Variants in FRMPD4 observed in about 807,000 individuals in gnomAD.
FRMPD4 encodes the protein FERM and PDZ domain containing 4.
In FRMPD4, 22 loss-of-function variants were observed where a neutral mutation model predicts 94.1. The ratio of observed to expected loss-of-function variants is 0.23; its 90% confidence interval spans 0.17 to 0.33. The LOEUF is 0.33. Among genes scored for constraint, FRMPD4 ranks in the 10% least tolerant of loss-of-function variants. The pLI, the probability that FRMPD4 is intolerant of heterozygous loss-of-function variation, is 1.00. For missense variants in FRMPD4, 1,111 were observed against 1,339.9 expected (o/e 0.83, Z 2.67); for synonymous variants, 631 against 548.6 (o/e 1.15, Z -2.10).
intron 1 of FRMPD4, among the ~76,000 whole-genome samples, chrX:12,474,329 A>G (rs2057562399): frequency 9.0e-6 from 1 of 111,490 alleles, no homozygotes; most frequent in African/African-American, 3.3e-5. Flanking sequence ...AGGGAAATTT[A>G]CAGCACTAAA....
chrX:12,634,187 A>C (rs940508359), intron 4 of FRMPD4, among the ~76,000 whole-genome samples: 1 of 112,447 alleles, frequency 8.9e-6, no homozygotes, highest in Non-Finnish European at 1.9e-5. Context: ...TTTTTCCCCC[A>C]TGTAAGAAAT....
At chrX:12,184,292 C>G (rs2056397133) in intron 1 of FRMPD4, among the ~76,000 whole-genome samples, 1 of 111,135 alleles carries the variant, frequency 9.0e-6, no homozygotes, top group Admixed American at 9.6e-5. Context: ...ATTTGGCTGC[C>G]TAGATATTAC....
chrX:12,579,959 T>G (rs2058848693), intron 2 of FRMPD4, among the ~76,000 whole-genome samples: 2 of 112,599 alleles, frequency 1.8e-5, no homozygotes, highest in South Asian at 7.2e-4. Flanking sequence ...ATTACAGATT[T>G]GTTTAAAAAT....
chrX:12,449,750 G>GC (rs1360390575), intron 1 of FRMPD4, among the ~76,000 whole-genome samples: 5 of 111,455 alleles, frequency 4.5e-5, no homozygotes, highest in African/African-American at 1.6e-4. Flanking sequence ...CACTTCGGGA[G>GC]ACCAAGGTGG....
chrX:12,295,017 G>A (rs1354853659), intron 1 of FRMPD4, among the ~76,000 whole-genome samples: 1 of 112,257 alleles, frequency 8.9e-6, no homozygotes, highest in Non-Finnish European at 1.9e-5. Flanking sequence ...GTCTGTGTAT[G>A]AATCTACCAT....
chrX:12,326,332 G>C (rs2055287256), intron 1 of FRMPD4, among the ~76,000 whole-genome samples: 1 of 111,978 alleles, frequency 8.9e-6, no homozygotes, highest in South Asian at 3.8e-4. Flanking sequence ...CCACTGAGGA[G>C]TTGGACCACA....
intron 2 of FRMPD4, among the ~76,000 whole-genome samples, chrX:12,520,940 G>C (rs752903999): frequency 1.8e-5 from 2 of 111,912 alleles, no homozygotes; most frequent in Non-Finnish European, 3.8e-5. Flanking sequence ...CTTTCCCGGT[G>C]AAAGACCACA....
intron 6 of FRMPD4, among the ~76,000 whole-genome samples, chrX:12,685,296 T>C (rs780112708): frequency 1.6e-4 from 18 of 112,031 alleles, no homozygotes; most frequent in African/African-American, 5.8e-4. Flanking sequence ...ACCAACTACA[T>C]GTGAATAACT....
intron 4 of FRMPD4, among the ~76,000 whole-genome samples, chrX:12,642,338 A>G (rs2059507825): frequency 8.9e-6 from 1 of 112,196 alleles, no homozygotes; most frequent in African/African-American, 3.2e-5. Flanking sequence ...TGTCTCCTCA[A>G]TGAGAAAGTG....
At chrX:12,238,991 G>T (rs1269834260) in intron 1 of FRMPD4, among the ~76,000 whole-genome samples, 1 of 111,957 alleles carries the variant, frequency 8.9e-6, no homozygotes, top group Non-Finnish European at 1.9e-5. Flanking sequence ...ACTCTTTTGT[G>T]GTTCCATCTG....
At chrX:12,256,435 TA>T (rs2054115671) in intron 1 of FRMPD4, among the ~76,000 whole-genome samples, 1 of 112,248 alleles carries the variant, frequency 8.9e-6, no homozygotes, top group Non-Finnish European at 1.9e-5. Flanking sequence ...AATCAAGACT[TA>T]TGTTAACCAT....
At chrX:12,230,445 T>A (rs1031684714) in intron 1 of FRMPD4, among the ~76,000 whole-genome samples, 1 of 111,467 alleles carries the variant, frequency 9.0e-6, no homozygotes, top group Non-Finnish European at 1.9e-5. Flanking sequence ...TGTCACAGTG[T>A]CTCCATCATG....
chrX:12,472,624 T>C (rs963507037), intron 1 of FRMPD4, among the ~76,000 whole-genome samples: 5 of 111,999 alleles, frequency 4.5e-5, no homozygotes, highest in African/African-American at 1.3e-4. Context: ...TTAAAGGACC[T>C]GATGGAGCGG....
intron 5 of FRMPD4, among the ~76,000 whole-genome samples, chrX:12,680,009 C>T (rs2059951273): frequency 8.9e-6 from 1 of 111,984 alleles, no homozygotes; most frequent in Non-Finnish European, 1.9e-5. Flanking sequence ...ACCAAATGTT[C>T]ACTCAATACC....
intron 1 of FRMPD4, among the ~76,000 whole-genome samples, chrX:12,220,375 G>A (rs932426935): frequency 3.6e-5 from 4 of 111,620 alleles, no homozygotes; most frequent in Non-Finnish European, 7.5e-5. Flanking sequence ...GTACAACCGT[G>A]AGTGTGCAAC....
At chrX:12,681,714 C>A (rs2059974215) in intron 5 of FRMPD4, among the ~76,000 whole-genome samples, 1 of 110,358 alleles carries the variant, frequency 9.1e-6, no homozygotes, top group Admixed American at 9.8e-5. Context: ...CACACACACA[C>A]ACACGCACGC....
chrX:12,708,349 A>G (rs1390227275), intron 13 of FRMPD4, among the ~76,000 whole-genome samples: 4 of 109,744 alleles, frequency 3.6e-5, no homozygotes, highest in Non-Finnish European at 5.7e-5. Flanking sequence ...GTGCACCTGT[A>G]ATCCCAGCTA....
At chrX:12,219,331 C>T (rs766466466) in intron 1 of FRMPD4, among the ~76,000 whole-genome samples, 1 of 111,038 alleles carries the variant, frequency 9.0e-6, no homozygotes, top group South Asian at 3.9e-4. Context: ...TTCACACCGT[C>T]GCACCCCTGG....
intron 3 of FRMPD4, among the ~76,000 whole-genome samples, chrX:11,992,593 C>A (rs1299889126): frequency 9.0e-6 from 1 of 111,261 alleles, no homozygotes; most frequent in Non-Finnish European, 1.9e-5. Context: ...ATGATTACAT[C>A]AATCTTTAAA....
Sources: allele counts gnomAD v4.1 joint callset (sites outside exome capture counted in the v4.1 genomes callset), GRCh38; gene constraint gnomAD v4.1.1; transcripts MANE v1.5; gene names NCBI Gene and HGNC (gene_info 2026-07-23, HGNC 2026-07-21).